Variants in CADPS2 observed in about 807,000 individuals in gnomAD.
CADPS2 encodes the protein calcium dependent secretion activator 2, also known as calcium-dependent secretion activator 2.
Under a neutral mutation model 172.5 loss-of-function variants are expected in CADPS2, and 93 were observed. The observed-to-expected ratio is 0.54, with a 90% confidence interval of 0.46 to 0.64. CADPS2 has a LOEUF of 0.64. Ranked by LOEUF, CADPS2 falls within the 30% of genes least tolerant of loss-of-function variation. The pLI is 0.00. For synonymous variants in CADPS2, 546 were observed against 555.2 expected, an observed-to-expected ratio of 0.98 and a Z score of 0.23; for missense variants, 1,420 against 1,565.9, an observed-to-expected ratio of 0.91 and a Z score of 1.57.
At chr7:122,538,518 T>C (rs1269792224) in intron 8 of CADPS2, among the ~76,000 whole-genome samples, 1 of 151,788 alleles carries the variant, frequency 6.6e-6, no homozygotes, top group East Asian at 1.9e-4. Flanking sequence ...AATAAAAATA[T>C]TGTTTTCCAT....
intron 9 of CADPS2, among the ~76,000 whole-genome samples, chr7:122,503,378 T>C (rs938144806): frequency 1.3e-5 from 2 of 152,116 alleles, no homozygotes; most frequent in African/African-American, 4.8e-5. Flanking sequence ...ATCACAAAAG[T>C]ATTTAGATTC....
chr7:122,709,865 C>A lies in CADPS2; in HGVS notation c.453+27090G>T, dbSNP rs565254690. ...AGATGGGAATTGAACAATGAGAACACATGGACACAGGAAGGGGAACATCAC... is the reference window on the plus strand; with the variant it reads ...AGATGGGAATTGAACAATGAGAACAAATGGACACAGGAAGGGGAACATCAC... On this transcript the variant is annotated intron_variant, in intron 2 of 29. Coordinates refer to ENST00000449022, the MANE Select transcript of CADPS2 (RefSeq NM_017954.11). 2.0e-5 allele frequency among the ~76,000 whole-genome samples: 3 copies of A among 151,826 alleles called. No individual in the cohort carries two copies. The South Asian group carries it at 6.2e-4, about 32-fold the overall frequency.
intron 2 of CADPS2, among the ~76,000 whole-genome samples, chr7:122,697,388 TTTA>T (rs1374202203): frequency 2.0e-5 from 3 of 152,178 alleles, no homozygotes; most frequent in Non-Finnish European, 4.4e-5. Flanking sequence ...TAAAAGATAA[TTTA>T]TTGTTTTCAA....
intron 1 of CADPS2, among the ~76,000 whole-genome samples, chr7:122,797,305 T>TA (rs1331914169): frequency 6.6e-6 from 1 of 152,188 alleles, no homozygotes; most frequent in Non-Finnish European, 1.5e-5. Context: ...CTCAATGACC[T>TA]AAAAACAGAA....
chr7:122,412,445 A>G (rs1021128324), intron 19 of CADPS2, among the ~76,000 whole-genome samples: 3 of 152,182 alleles, frequency 2.0e-5, no homozygotes, highest in African/African-American at 7.2e-5. Context: ...TCCAACCAGA[A>G]GCATAATTTG....
At chr7:122,420,053 T>C (rs1449020215) in intron 17 of CADPS2, among the ~76,000 whole-genome samples, 16 of 152,108 alleles carry the variant, frequency 1.1e-4, no homozygotes. Context: ...AGGTTGAAGG[T>C]GTCTGAGGTT....
chr7:122,845,456 G>A (rs996739873), intron 1 of CADPS2, among the ~76,000 whole-genome samples: 1 of 152,142 alleles, frequency 6.6e-6, no homozygotes, highest in Non-Finnish European at 1.5e-5. Flanking sequence ...CAAAAATGAT[G>A]GCAATGAAAA....
chr7:122,746,099 ATACTT>A (rs1380977097), intron 1 of CADPS2, among the ~76,000 whole-genome samples: 1 of 152,192 alleles, frequency 6.6e-6, no homozygotes, highest in Non-Finnish European at 1.5e-5. Flanking sequence ...TAGAATAAAA[ATACTT>A]AACACATATT....
At chr7:122,874,007 GTTTT>G (rs1038884504) in intron 1 of CADPS2, among the ~76,000 whole-genome samples, 3 of 149,060 alleles carry the variant, frequency 2.0e-5, no homozygotes, top group Non-Finnish European at 4.5e-5. Context: ...TTTTTGATGG[GTTTT>G]TTTTTTCTTG....
intron 1 of CADPS2, chr7:122,850,150 C>T (rs956564223): frequency 6.0e-6 from 7 of 1,160,494 alleles, no homozygotes; most frequent in South Asian, 4.5e-5. Flanking sequence ...CTGAACAGGG[C>T]GTATCTGTGG....
At chr7:122,321,142 T>C (rs2032379536) in intron 29 of CADPS2, among the ~76,000 whole-genome samples, 1 of 152,264 alleles carries the variant, frequency 6.6e-6, no homozygotes, top group Non-Finnish European at 1.5e-5. Flanking sequence ...ATGTTTCCCT[T>C]ATGTTTACAT....
chr7:122,696,010 G>A (rs1186449172), intron 2 of CADPS2, among the ~76,000 whole-genome samples: 1 of 152,094 alleles, frequency 6.6e-6, no homozygotes, highest in Non-Finnish European at 1.5e-5. Flanking sequence ...CTAGGTGCAG[G>A]GACTGCCAAC....
chr7:122,609,120 A>G (rs2073976647), intron 6 of CADPS2, among the ~76,000 whole-genome samples: 1 of 152,118 alleles, frequency 6.6e-6, no homozygotes, highest in South Asian at 2.1e-4. Context: ...TCCTGGCACC[A>G]AGATCTATCT....
At chr7:122,661,506 T>C (rs1373929748) in intron 3 of CADPS2, among the ~76,000 whole-genome samples, 2 of 152,184 alleles carry the variant, frequency 1.3e-5, no homozygotes, top group African/African-American at 4.8e-5. Context: ...AGAGGTCTTA[T>C]AATATCTTTG....
At chr7:122,725,755 C>T (rs1432906989) in intron 2 of CADPS2, among the ~76,000 whole-genome samples, 1 of 151,808 alleles carries the variant, frequency 6.6e-6, no homozygotes, top group Non-Finnish European at 1.5e-5. Context: ...GATCACGTCA[C>T]TGTACTCCAG....
intron 8 of CADPS2, among the ~76,000 whole-genome samples, chr7:122,538,331 A>G (rs1177616428): frequency 6.6e-6 from 1 of 151,098 alleles, no homozygotes; most frequent in Admixed American, 6.6e-5. Context: ...GGTGAATATA[A>G]ACACACAAGG....
intron 9 of CADPS2, among the ~76,000 whole-genome samples, chr7:122,498,961 C>T (rs2058980034): frequency 6.6e-6 from 1 of 152,116 alleles, no homozygotes; most frequent in Non-Finnish European, 1.5e-5. Flanking sequence ...TAAGGGCTCA[C>T]CTTCCAATAA....
At chr7:122,670,957 A>C (rs922693173) in intron 2 of CADPS2, among the ~76,000 whole-genome samples, 3 of 151,282 alleles carry the variant, frequency 2.0e-5, no homozygotes, top group African/African-American at 7.3e-5. Context: ...CCAGTCCCAC[A>C]GGCCTTTTAA....
intron 18 of CADPS2, among the ~76,000 whole-genome samples, chr7:122,414,295 T>G (rs1435092097): frequency 6.6e-6 from 1 of 152,216 alleles, no homozygotes; most frequent in Non-Finnish European, 1.5e-5. Flanking sequence ...CATTATACTT[T>G]GACAAGCATT....
Sources: allele counts gnomAD v4.1 joint callset (sites outside exome capture counted in the v4.1 genomes callset), GRCh38; gene constraint gnomAD v4.1.1; transcripts MANE v1.5; gene names NCBI Gene and HGNC (gene_info 2026-07-23, HGNC 2026-07-21).